Variants in PCDHA4 observed in about 807,000 individuals in gnomAD.
The protein encoded by PCDHA4 is protocadherin alpha 4, also known as protocadherin alpha-4.
In PCDHA4, 49 loss-of-function variants were observed where a neutral mutation model predicts 61.4. The ratio of observed to expected loss-of-function variants is 0.80; its 90% confidence interval spans 0.63 to 1.01. The LOEUF (loss-of-function observed/expected upper bound fraction) is 1.01. PCDHA4 is among the 50% of genes least tolerant of loss of function. The probability of loss-of-function intolerance (pLI) is 0.00; values close to 1 mark genes in which losing one functional copy is unlikely to be tolerated. For synonymous variants in PCDHA4, 590 were observed against 550.3 expected (o/e 1.07, Z -1.01); for missense variants, 1,254 against 1,235.8 (o/e 1.01, Z -0.22).
intron 1 of PCDHA4, chr5:140,823,223 C>T (rs1367836220): frequency 1.2e-6 from 2 of 1,613,672 alleles, no homozygotes; most frequent in Non-Finnish European, 8.5e-7. Context: ...GACGCGGACG[C>T]GCAGGAGAAC....
rs2150413106 is a variant in PCDHA4, at chr5:140,848,576, GA to G, written c.2385+39005del. The G allele has an allele frequency of 8.8e-6, 14 of 1,595,434 alleles. No homozygotes were observed. The Admixed American group carries it at 2.0e-4, about 23-fold the overall frequency. On this transcript the variant is annotated intron_variant, in intron 1 of 3. Transcript: ENST00000530339. Reference sequence around the variant, plus strand: ...TGATCCTCGCAATGTGGGTGGTGGGGAGCGGCCAGCTCCACTACTCCGTCCC... The same window carrying G: ...TGATCCTCGCAATGTGGGTGGTGGGGGCGGCCAGCTCCACTACTCCGTCCC...
At chr5:140,884,543 T>A (rs1582792528) in intron 1 of PCDHA4, 1 of 1,614,034 alleles carries the variant, frequency 6.2e-7, no homozygotes, top group Non-Finnish European at 8.5e-7. Flanking sequence ...GCCGAGGGTG[T>A]GCTCTGGGGA....
chr5:140,976,814 A>G (rs1276394910), intron 1 of PCDHA4, among the ~76,000 whole-genome samples: 1 of 152,242 alleles, frequency 6.6e-6, no homozygotes, highest in East Asian at 1.9e-4. Flanking sequence ...GAAGATATGC[A>G]TGTGTCTAAT....
intron 3 of PCDHA4, among the ~76,000 whole-genome samples, chr5:140,999,585 G>C (rs1240906342): frequency 6.6e-6 from 1 of 152,152 alleles, no homozygotes; most frequent in Non-Finnish European, 1.5e-5. Flanking sequence ...AAGGGAAATT[G>C]CCTTCCCTAC....
intron 1 of PCDHA4, chr5:140,848,428 C>G: frequency 6.9e-7 from 1 of 1,450,064 alleles, no homozygotes; most frequent in Middle Eastern, 1.8e-4. Flanking sequence ...ATGGGACTGA[C>G]GAAATCAGAT....
intron 1 of PCDHA4, chr5:140,966,244 G>C (rs1302762597): frequency 3.2e-6 from 1 of 315,708 alleles, no homozygotes; most frequent in Non-Finnish European, 5.7e-6. Context: ...CGTTAAGCAG[G>C]GGAGAGACGG....
intron 3 of PCDHA4, among the ~76,000 whole-genome samples, chr5:140,989,624 G>C (rs527255277): frequency 6.6e-6 from 1 of 152,208 alleles, no homozygotes; most frequent in Non-Finnish European, 1.5e-5. Context: ...GTCTGTCCTA[G>C]TGACAGCAAG....
intron 1 of PCDHA4, among the ~76,000 whole-genome samples, chr5:140,966,009 G>A (rs2153745631): frequency 6.6e-6 from 1 of 152,278 alleles, no homozygotes; most frequent in South Asian, 2.1e-4. Flanking sequence ...AGTGTCCAGG[G>A]AAGATGTGGG....
In PCDHA4 at chr5:141,011,714, C is replaced by G. The variant is rs2098421596; in HGVS notation, c.*1777C>G. On this transcript the variant is annotated 3_prime_UTR_variant, in exon 4 of 4. Transcript: ENST00000530339. ...TTTTGGAATGAATACTGACAATATT[C>G]CATGAGGGTGTGCAAGCACAAATTT... 1 of 153,650 alleles carries G rather than the reference C, an allele frequency of 6.5e-6. No individual in the cohort carries two copies. Among genetic ancestry groups the G allele is most frequent in the South Asian group, 2.1e-4 (1 of 4,822 alleles). 9.5% of individuals were successfully genotyped at this position (153,650 alleles called of 1,614,324 possible).
chr5:140,947,772 G>A (rs77655739), intron 1 of PCDHA4, among the ~76,000 whole-genome samples: 3,551 of 151,528 alleles, frequency 0.023, 49 homozygotes, highest in Middle Eastern at 0.034. Flanking sequence ...AAATTCTATT[G>A]TAAATGGATT....
intron 1 of PCDHA4, chr5:140,814,903 T>C (rs74593738): frequency 6.6e-6 from 1 of 152,238 alleles, no homozygotes; most frequent in Non-Finnish European, 1.5e-5. Context: ...AATTGCTATG[T>C]CCTTCTGGTG....
chr5:140,858,219 C>A (rs1554151292), intron 1 of PCDHA4: 2 of 1,595,768 alleles, frequency 1.3e-6, no homozygotes, highest in Non-Finnish European at 8.6e-7. Flanking sequence ...TGCTCGGCGG[C>A]GCCCACCGAG....
At chr5:140,931,783 T>A (rs2087751344) in intron 1 of PCDHA4, among the ~76,000 whole-genome samples, 1 of 151,996 alleles carries the variant, frequency 6.6e-6, no homozygotes, top group African/African-American at 2.4e-5. Context: ...TTCAATTACC[T>A]ATTGATCTGA....
chr5:140,848,945 T>G (rs1554142609), intron 1 of PCDHA4: 5 of 1,607,094 alleles, frequency 3.1e-6, no homozygotes, highest in South Asian at 1.1e-5. Flanking sequence ...CGCTTGACTC[T>G]CGGTTTCCAC....
At chr5:140,835,878 G>A (rs138465402) in intron 1 of PCDHA4, 6 of 1,611,878 alleles carry the variant, frequency 3.7e-6, no homozygotes, top group Non-Finnish European at 5.1e-6. Context: ...GGAGCTGCGG[G>A]TGGGCGAGCG....
chr5:140,850,103 C>G (rs2150467019), intron 1 of PCDHA4: 2 of 1,596,104 alleles, frequency 1.3e-6, no homozygotes, highest in Admixed American at 3.4e-5. Flanking sequence ...TCCAGGTGAG[C>G]GCGCGCGACG....
At chr5:140,979,868 C>T (rs1554241158) in intron 2 of PCDHA4, among the ~76,000 whole-genome samples, 1 of 152,160 alleles carries the variant, frequency 6.6e-6, no homozygotes. Context: ...AATATCTGGG[C>T]AACTATCAAG....
intron 1 of PCDHA4, among the ~76,000 whole-genome samples, chr5:140,910,407 C>T (rs781871391): frequency 6.6e-6 from 1 of 152,134 alleles, no homozygotes; most frequent in Non-Finnish European, 1.5e-5. Context: ...CCTGCCACCT[C>T]GAGATCCAAT....
intron 1 of PCDHA4, among the ~76,000 whole-genome samples, chr5:140,944,291 G>T (rs155813): frequency 6.6e-6 from 1 of 151,928 alleles, no homozygotes; most frequent in African/African-American, 2.4e-5. Flanking sequence ...GGGCTCAAGC[G>T]ATCCTCCTAC....
Sources: allele counts gnomAD v4.1 joint callset (sites outside exome capture counted in the v4.1 genomes callset), GRCh38; gene constraint gnomAD v4.1.1; transcripts MANE v1.5; gene names NCBI Gene and HGNC (gene_info 2026-07-23, HGNC 2026-07-21).